The following ASIC2 variants were observed in gnomAD, a reference collection of about 807,000 sequenced individuals.
The protein encoded by ASIC2 is acid-sensing ion channel 2.
A neutral mutation model predicts 57.3 loss-of-function variants in ASIC2; 25 were observed. That is an observed-to-expected ratio of 0.44 (90% CI 0.32 to 0.61). The LOEUF (loss-of-function observed/expected upper bound fraction) is 0.61. Ranked by LOEUF, ASIC2 falls within the 20% of genes least tolerant of loss-of-function variation. The pLI, the probability that ASIC2 is intolerant of heterozygous loss-of-function variation, is 0.06. For synonymous variants in ASIC2, 319 were observed against 307.5 expected (o/e 1.04, Z -0.39); for missense variants, 641 against 738.1 (o/e 0.87, Z 1.52).
At chr17:34,123,584 G>A (rs1166336348) in intron 1 of ASIC2, among the ~76,000 whole-genome samples, 1 of 152,122 alleles carries the variant, frequency 6.6e-6, no homozygotes, top group Non-Finnish European at 1.5e-5. Context: ...GTGGTGTATT[G>A]GCTAAGAGCC....
At chr17:33,706,173 T>C (rs962570020) in intron 1 of ASIC2, among the ~76,000 whole-genome samples, 2 of 146,730 alleles carry the variant, frequency 1.4e-5, no homozygotes, top group Non-Finnish European at 3.0e-5. Flanking sequence ...GTCATATGTG[T>C]GTGTGTGTGT....
intron 1 of ASIC2, among the ~76,000 whole-genome samples, chr17:34,133,149 G>C (rs1427303431): frequency 1.3e-5 from 2 of 152,202 alleles, no homozygotes; most frequent in Non-Finnish European, 2.9e-5. Context: ...CTCTGGGATT[G>C]ATAAATAGAT....
chr17:34,130,209 G>A (rs944474563), intron 1 of ASIC2, among the ~76,000 whole-genome samples: 1 of 152,142 alleles, frequency 6.6e-6, no homozygotes, highest in African/African-American at 2.4e-5. Context: ...GAGATCATTA[G>A]AGGCAGTCAC....
intron 1 of ASIC2, among the ~76,000 whole-genome samples, chr17:33,333,478 A>T (rs903164057): frequency 6.6e-6 from 1 of 152,180 alleles, no homozygotes; most frequent in African/African-American, 2.4e-5. Flanking sequence ...GCAAGCACCA[A>T]ATTGTTTGTG....
chr17:33,498,022 T>A (rs1287027212), intron 1 of ASIC2, among the ~76,000 whole-genome samples: 2 of 152,184 alleles, frequency 1.3e-5, no homozygotes, highest in African/African-American at 2.4e-5. Flanking sequence ...GCAATTCTCA[T>A]GGAGCAAGGA....
chr17:33,228,219 G>A (rs956300202), intron 1 of ASIC2, among the ~76,000 whole-genome samples: 2 of 152,136 alleles, frequency 1.3e-5, no homozygotes, highest in Admixed American at 1.3e-4. Context: ...TCTCCTTTTG[G>A]GATGATAAAA....
intron 1 of ASIC2, among the ~76,000 whole-genome samples, chr17:33,604,518 C>T (rs534928492): frequency 6.6e-6 from 1 of 152,286 alleles, no homozygotes; most frequent in African/African-American, 2.4e-5. Flanking sequence ...GCATGGCAAA[C>T]AGTTGTGGAG....
chr17:34,011,868 T>C (rs991161706), intron 1 of ASIC2, among the ~76,000 whole-genome samples: 8 of 152,162 alleles, frequency 5.3e-5, no homozygotes, highest in African/African-American at 1.9e-4. Context: ...CAGTTTACCC[T>C]TCAGACACTC....
At chr17:33,621,430 C>T (rs1905793393) in intron 1 of ASIC2, among the ~76,000 whole-genome samples, 1 of 152,148 alleles carries the variant, frequency 6.6e-6, no homozygotes, top group Admixed American at 6.5e-5. Flanking sequence ...TGTAAGGAGT[C>T]GCAGATGTGT....
At chr17:33,152,403 G>A (rs139274120) in intron 1 of ASIC2, among the ~76,000 whole-genome samples, 13 of 152,316 alleles carry the variant, frequency 8.5e-5, no homozygotes, top group Admixed American at 8.5e-4. Flanking sequence ...CCCTACAGAT[G>A]AGGCACCAGG....
Position 33,013,798 on chromosome 17 carries a change from T to C in ASIC2, c.*167A>G. ...CGGCGGGGCCCAAGGATGCGTCGTG[T>C]TGGACGTGGCCGGAGCGAGGTCTAG... On this transcript the variant is annotated 3_prime_UTR_variant, in exon 10 of 10. Transcript: ENST00000225823. 1.5e-6 allele frequency: 1 copy of C among 647,068 alleles called. No homozygotes were observed. Among genetic ancestry groups the C allele is most frequent in the Non-Finnish European group, 2.8e-6 (1 of 360,262 alleles). 40.1% of individuals were successfully genotyped at this position (647,068 alleles called of 1,614,324 possible). A position where few individuals can be genotyped will look rare whatever the true frequency, so the allele number is the denominator to read the frequency against.
intron 1 of ASIC2, among the ~76,000 whole-genome samples, chr17:33,253,704 C>G (rs570424912): frequency 1.3e-5 from 2 of 151,904 alleles, no homozygotes; most frequent in East Asian, 3.9e-4. Flanking sequence ...CTGGTTTTCA[C>G]GAAAAGAAGA....
At chr17:33,517,074 C>T (rs771091964) in intron 1 of ASIC2, among the ~76,000 whole-genome samples, 1 of 152,190 alleles carries the variant, frequency 6.6e-6, no homozygotes, top group Non-Finnish European at 1.5e-5. Flanking sequence ...AAATGGTTCT[C>T]AAACCCTCAT....
At chr17:33,553,955 G>A (rs1567648276) in intron 1 of ASIC2, among the ~76,000 whole-genome samples, 2 of 152,250 alleles carry the variant, frequency 1.3e-5, no homozygotes, top group Admixed American at 6.5e-5. Flanking sequence ...TGAGTCCTTC[G>A]TTTTTTCCCC....
chr17:33,501,691 C>T (rs1235464839), intron 1 of ASIC2, among the ~76,000 whole-genome samples: 1 of 152,186 alleles, frequency 6.6e-6, no homozygotes. Context: ...CTCTGAACAC[C>T]CTGCAGTAAG....
intron 1 of ASIC2, among the ~76,000 whole-genome samples, chr17:33,889,927 C>T (rs181406795): frequency 1.5e-4 from 23 of 152,232 alleles, no homozygotes; most frequent in Admixed American, 5.2e-4. Context: ...GATGAAGAAG[C>T]GTTATGTTCC....
intron 1 of ASIC2, among the ~76,000 whole-genome samples, chr17:34,113,997 G>T (rs1041101126): frequency 6.6e-6 from 1 of 152,196 alleles, no homozygotes; most frequent in Non-Finnish European, 1.5e-5. Context: ...TCTGCATTTA[G>T]TCATCCATCG....
chr17:33,795,620 A>G (rs1015642330), intron 1 of ASIC2, among the ~76,000 whole-genome samples: 4 of 152,222 alleles, frequency 2.6e-5, no homozygotes. Flanking sequence ...GGTTCTGAGC[A>G]TACCTGTTGC....
In ASIC2 at chr17:33,260,559, G is replaced by T. The variant is rs75733826; in HGVS notation, c.708+30849C>A. Among the ~76,000 whole-genome samples, 1,434 of 152,344 alleles carry T rather than the reference G, an allele frequency of 9.4e-3. 28 individuals are homozygous for T. The highest frequency in any genetic ancestry group is 0.031 in the African/African-American group (1,305 of 41,578). Reference sequence around the variant, plus strand: ...CCACACTATGGATCGCTGCCGCCAGGGGGGCGGGGAATACGAGGTCTTTGC... The same window carrying T: ...CCACACTATGGATCGCTGCCGCCAGTGGGGCGGGGAATACGAGGTCTTTGC... On this transcript the variant is annotated intron_variant, in intron 1 of 9. Transcript: ENST00000225823.
Sources: allele counts gnomAD v4.1 joint callset (sites outside exome capture counted in the v4.1 genomes callset), GRCh38; gene constraint gnomAD v4.1.1; transcripts MANE v1.5; gene names NCBI Gene and HGNC (gene_info 2026-07-23, HGNC 2026-07-21).